AFAP1: variants seen among roughly 807,000 people sequenced by gnomAD.
AFAP1 encodes actin filament-associated protein 1.
Under a neutral mutation model 93.9 loss-of-function variants are expected in AFAP1, and 75 were observed. That is an observed-to-expected ratio of 0.80 (90% CI 0.66 to 0.97). The LOEUF (loss-of-function observed/expected upper bound fraction) is 0.97, where lower values mean the gene tolerates loss of function less well. AFAP1 is among the 50% of genes least tolerant of loss of function. The pLI is 0.00. For missense variants in AFAP1, 1,201 were observed against 1,050.8 expected, an observed-to-expected ratio of 1.14 and a Z score of -1.98; for synonymous variants, 517 against 430.7, an observed-to-expected ratio of 1.20 and a Z score of -2.48.
At chr4:7,858,683 C>T (rs1394445079) in intron 3 of AFAP1, among the ~76,000 whole-genome samples, 1 of 152,170 alleles carries the variant, frequency 6.6e-6, no homozygotes, top group Non-Finnish European at 1.5e-5. Context: ...GGGAGGAAGA[C>T]GCAGGCGCAC....
intron 1 of AFAP1, among the ~76,000 whole-genome samples, chr4:7,921,853 C>T (rs1024789553): frequency 3.9e-5 from 6 of 152,184 alleles, no homozygotes; most frequent in African/African-American, 4.8e-5. Context: ...AGGCCGGGCG[C>T]GGTGGCTCAC....
intron 4 of AFAP1, among the ~76,000 whole-genome samples, chr4:7,846,625 T>C (rs957776585): frequency 6.6e-6 from 1 of 152,254 alleles, no homozygotes; most frequent in African/African-American, 2.4e-5. Flanking sequence ...GAAAACTACC[T>C]TTAATTTCAC....
chr4:7,854,786 A>C (rs1001094390), intron 4 of AFAP1, among the ~76,000 whole-genome samples: 2 of 152,176 alleles, frequency 1.3e-5, no homozygotes, highest in Admixed American at 6.5e-5. Flanking sequence ...CTTTCTTATG[A>C]GATGGTAGCC....
At chr4:7,811,717 G>A (rs1291847020) in intron 8 of AFAP1, among the ~76,000 whole-genome samples, 1 of 152,144 alleles carries the variant, frequency 6.6e-6, no homozygotes, top group East Asian at 1.9e-4. Flanking sequence ...CGCCTTGGAG[G>A]AAGACAGCCC....
At chr4:7,854,320 CCA>C (rs1428416588) in intron 4 of AFAP1, among the ~76,000 whole-genome samples, 2 of 146,176 alleles carry the variant, frequency 1.4e-5, no homozygotes, top group Non-Finnish European at 2.9e-5. Flanking sequence ...GACATTTGGC[CCA>C]GTCTGTGCCC....
At chr4:7,924,453 G>C (rs1394597973) in intron 1 of AFAP1, among the ~76,000 whole-genome samples, 1 of 152,198 alleles carries the variant, frequency 6.6e-6, no homozygotes, top group African/African-American at 2.4e-5. Context: ...ACGATGGACA[G>C]ACAGGCAATG....
At chr4:7,838,894 A>G (rs1286959269) in intron 5 of AFAP1, among the ~76,000 whole-genome samples, 191 bp from the exon 6 acceptor site, 1 of 152,092 alleles carries the variant, frequency 6.6e-6, no homozygotes, top group Non-Finnish European at 1.5e-5. Context: ...TTCGCCTCCA[A>G]GTGTGAAAAA....
At chr4:7,867,398 G>A (rs1014030660) in intron 3 of AFAP1, among the ~76,000 whole-genome samples, 5 of 152,176 alleles carry the variant, frequency 3.3e-5, no homozygotes, top group East Asian at 3.9e-4. Flanking sequence ...CTGAGGCAGC[G>A]CGGGGGCGGG....
At chr4:7,801,323 T>C (rs1719003819) in intron 9 of AFAP1, among the ~76,000 whole-genome samples, 1 of 151,982 alleles carries the variant, frequency 6.6e-6, no homozygotes, top group African/African-American at 2.4e-5. Flanking sequence ...AACTCTAAAG[T>C]CTGAATCTTC....
intron 1 of AFAP1, among the ~76,000 whole-genome samples, chr4:7,925,854 AAAGAAAG>A (rs1182678449): frequency 1.4e-3 from 4 of 2,874 alleles, no homozygotes; most frequent in East Asian, 0.011. Flanking sequence ...TCAAAAAAAA[AAAGAAAG>A]AAAGAAAGAA....
intron 6 of AFAP1, among the ~76,000 whole-genome samples, chr4:7,826,293 T>C (rs1169432481): frequency 6.6e-6 from 1 of 152,084 alleles, no homozygotes; most frequent in African/African-American, 2.4e-5. Context: ...GGAAACAGAG[T>C]TTGGAGAGTC....
Position 7,872,050 on chromosome 4 carries a change from A to G in AFAP1, c.29T>C (p.Leu10Pro). ...TTCATGGTCCAGGAGTTCAAGAAAG[A>G]GACGAAGTTCAACTATTAACTCTTC... MEELIVELR[L>P]FLELLDHEYL... The change falls in exon 2 of 18, where the codon CTC becomes CCC. Residue 10 changes from leucine (L) to proline (P), a missense_variant. By Grantham distance (98) the Leu-to-Pro change is moderately conservative (BLOSUM62 -3). Transcript: ENST00000420658. The G allele has an allele frequency of 1.2e-6, 2 of 1,614,124 alleles. No homozygotes were observed. Among genetic ancestry groups the G allele is most frequent in the South Asian group, 1.1e-5 (1 of 91,062 alleles).
chr4:7,809,898 C>A, intron 8 of AFAP1, 135 bp from the exon 9 acceptor site: 1 of 1,044,774 alleles, frequency 9.6e-7, no homozygotes, highest in African/African-American at 1.6e-5. Context: ...CTCACTCTGT[C>A]CCCTGGCTGG....
intron 11 of AFAP1, among the ~76,000 whole-genome samples, chr4:7,786,703 T>C (rs1560157428): frequency 1.3e-5 from 2 of 152,230 alleles, no homozygotes; most frequent in Non-Finnish European, 2.9e-5. Flanking sequence ...TTGATTATCA[T>C]CCGTCTTTCA....
At position 7,760,329 on chromosome 4, in the gene AFAP1, G is replaced by C. The variant is rs1263920973; in HGVS notation, c.*3436C>G. 6.6e-6 allele frequency: 1 copy of C among 152,298 alleles called. No homozygotes were observed. Among genetic ancestry groups the C allele is most frequent in the Non-Finnish European group, 1.5e-5 (1 of 68,086 alleles). The allele number at this position is 152,298 out of a possible 1,614,324, so 9.4% of individuals were successfully genotyped here. On this transcript the variant is annotated 3_prime_UTR_variant, in exon 18 of 18. Coordinates refer to ENST00000420658, the MANE Select transcript of AFAP1 (RefSeq NM_001134647.2). ...TTAAGCCTGGCAACGCCAGGGCATA[G>C]GCACAGAGGGGCGAGATGGGACTGA...
chr4:7,872,307 C>G, intron 1 of AFAP1: 1 of 444,342 alleles, frequency 2.3e-6, no homozygotes. Context: ...CAAAATTCAA[C>G]TGGGAGAAGC....
rs1174367355 is a variant in AFAP1 at position 7,919,489 on chromosome 4, G to C, written c.-3+20167C>G. ...TACACAAACGTTTAGTAGAATCTAA[G>C]AAATGACATTTCTGAGCCGATTGAG... is the stretch of plus-strand genomic sequence containing the variant. On this transcript the variant is annotated intron_variant, in intron 1 of 17. Transcript: ENST00000420658. Among the ~76,000 whole-genome samples, 5 of 152,138 alleles carry C rather than the reference G, an allele frequency of 3.3e-5. No individual in the cohort carries two copies. The East Asian group carries it at 5.8e-4, about 18-fold the overall frequency.
At chr4:7,919,217 G>A (rs545820331) in intron 1 of AFAP1, among the ~76,000 whole-genome samples, 6 of 152,218 alleles carry the variant, frequency 3.9e-5, no homozygotes, top group Admixed American at 3.9e-4. Context: ...CCGGCCCAAC[G>A]GCGGCAACAA....
intron 1 of AFAP1, among the ~76,000 whole-genome samples, chr4:7,920,706 G>A (rs1720390896): frequency 1.3e-5 from 2 of 152,168 alleles, no homozygotes; most frequent in Non-Finnish European, 1.5e-5. Context: ...AAGACAAATA[G>A]CCTGGGCTTC....
Sources: gnomAD v4.1 joint callset for allele counts (sites outside exome capture counted in the v4.1 genomes callset) on GRCh38, gnomAD v4.1.1 for gene constraint, MANE v1.5 for transcripts, NCBI Gene and HGNC (gene_info 2026-07-23, HGNC 2026-07-21) for gene names.